Variants in PLGRKT observed in about 807,000 individuals in gnomAD.
PLGRKT encodes the protein plasminogen receptor with a C-terminal lysine.
A neutral mutation model predicts 18.5 loss-of-function variants in PLGRKT; 22 were observed. That is an observed-to-expected ratio of 1.19 (90% CI 0.85 to 1.70). The LOEUF (loss-of-function observed/expected upper bound fraction) is 1.70. Among genes scored for constraint, PLGRKT ranks in the 40% most tolerant of loss-of-function variants. The pLI is 0.00. For missense variants in PLGRKT, 235 were observed against 174.4 expected (o/e 1.35, Z -1.96); for synonymous variants, 72 against 52.8 (o/e 1.36, Z -1.58).
At chr9:5,385,567 A>G (rs941502848) in intron 3 of PLGRKT, among the ~76,000 whole-genome samples, 5 of 151,222 alleles carry the variant, frequency 3.3e-5, no homozygotes, top group Admixed American at 2.6e-4. Context: ...TTTCCTTCTC[A>G]CTTTCCTTTC....
At chr9:5,429,475 G>A (rs1818772493) in intron 3 of PLGRKT, among the ~76,000 whole-genome samples, 1 of 152,164 alleles carries the variant, frequency 6.6e-6, no homozygotes, top group South Asian at 2.1e-4. Flanking sequence ...TAAAATCAAG[G>A]TGTCTGCAAG....
chr9:5,381,704 G>A (rs1817749907), intron 3 of PLGRKT, among the ~76,000 whole-genome samples: 1 of 152,222 alleles, frequency 6.6e-6, no homozygotes, highest in Non-Finnish European at 1.5e-5. Flanking sequence ...CCTCTTGGGA[G>A]GAGATGAGAC....
At chr9:5,380,353 C>T (rs1174719077) in intron 3 of PLGRKT, among the ~76,000 whole-genome samples, 5 of 138,942 alleles carry the variant, frequency 3.6e-5, no homozygotes, top group African/African-American at 1.1e-4. Flanking sequence ...GGCCAAACAG[C>T]GAGACTCTGT....
Position 5,393,946 on chromosome 9 carries a change from C to T in PLGRKT, c.82-32058G>A, listed in dbSNP as rs1305296117. Among the ~76,000 whole-genome samples the T allele has an allele frequency of 3.3e-5, 5 of 151,802 alleles. No homozygotes were observed. The South Asian group carries it at 6.2e-4, about 19-fold the overall frequency. ...CTAAAAACTATACCCAGATTTTTGA[C>T]CATCTGGGAAGAAAAGCCTCTTACC... On this transcript the variant is annotated intron_variant, in intron 3 of 5. Coordinates refer to ENST00000223864, the MANE Select transcript of PLGRKT (RefSeq NM_018465.4).
intron 3 of PLGRKT, among the ~76,000 whole-genome samples, chr9:5,411,100 C>G (rs1013324961): frequency 8.6e-5 from 13 of 151,920 alleles, no homozygotes; most frequent in Non-Finnish European, 1.5e-5. Flanking sequence ...AAGATGGAAA[C>G]AGGCCAGTTG....
At position 5,394,018 on chromosome 9, in the gene PLGRKT, A is replaced by C. The variant is rs1300944829; in HGVS notation, c.82-32130T>G. On this transcript the variant is annotated intron_variant, in intron 3 of 5. Transcript: ENST00000223864. ...TTCAGTTGGTGAATCTCTAGAAATGACCATCTCCCTAGCCCAGCATTCTAT... is the reference window on the plus strand; with the variant it reads ...TTCAGTTGGTGAATCTCTAGAAATGCCCATCTCCCTAGCCCAGCATTCTAT... 2.0e-5 allele frequency among the ~76,000 whole-genome samples: 3 copies of C among 151,778 alleles called. No individual in the cohort carries two copies. The East Asian group carries it at 5.8e-4, about 29-fold the overall frequency.
At chr9:5,413,039 C>T (rs1253030830) in intron 3 of PLGRKT, among the ~76,000 whole-genome samples, 2 of 152,136 alleles carry the variant, frequency 1.3e-5, no homozygotes, top group Admixed American at 1.3e-4. Context: ...GACTGAGATA[C>T]CACTTCTTGC....
intron 3 of PLGRKT, among the ~76,000 whole-genome samples, chr9:5,362,326 A>G (rs576035653): frequency 1.3e-5 from 2 of 152,278 alleles, no homozygotes; most frequent in Admixed American, 1.3e-4. Context: ...TTTGCTCCAT[A>G]TCATACCACA....
chr9:5,378,796 C>T (rs75561931), intron 3 of PLGRKT, among the ~76,000 whole-genome samples: 1 of 151,906 alleles, frequency 6.6e-6, no homozygotes, highest in African/African-American at 2.4e-5. Context: ...AGGATTTAAC[C>T]ATCTCTTTCA....
chr9:5,373,617 T>C (rs1038409660), intron 3 of PLGRKT, among the ~76,000 whole-genome samples: 2 of 151,886 alleles, frequency 1.3e-5, no homozygotes, highest in Admixed American at 1.3e-4. Context: ...CTGGGCAACA[T>C]AGTGTGACTC....
intron 3 of PLGRKT, among the ~76,000 whole-genome samples, chr9:5,419,417 G>A (rs1243926214): frequency 6.6e-6 from 1 of 152,194 alleles, no homozygotes; most frequent in Non-Finnish European, 1.5e-5. Context: ...ACCTTTCTCC[G>A]TGGCGTGTTC....
At position 5,364,599 on chromosome 9, in the gene PLGRKT, G is replaced by A. The variant is rs1817341951; in HGVS notation, c.82-2711C>T. On this transcript the variant is annotated intron_variant, in intron 3 of 5. Transcript: ENST00000223864. ...TACAAATGTGTGGCACAACCTCAATGAAGGGTTGGGGGAAAAGAACTGATC... is the reference window on the plus strand; with the variant it reads ...TACAAATGTGTGGCACAACCTCAATAAAGGGTTGGGGGAAAAGAACTGATC... Among the ~76,000 whole-genome samples, 3 of 152,316 alleles carry A rather than the reference G, an allele frequency of 2.0e-5. No individual in the cohort carries two copies. The South Asian group carries it at 6.2e-4, about 32-fold the overall frequency.
Position 5,361,828 on chromosome 9 carries a change from C to A in PLGRKT, c.142G>T (p.Ala48Ser), listed in dbSNP as rs1177040863. The A allele has an allele frequency of 6.2e-7, 1 of 1,613,198 alleles. No individual in the cohort carries two copies. The highest frequency in any genetic ancestry group is 8.5e-7 in the Non-Finnish European group (1 of 1,179,402). Reference sequence around the variant, plus strand: ...TATTTGAGGAATTCCCGAGACCACGCAATCTGCATGGCCATTTGTCTTTCC... The same window carrying A: ...TATTTGAGGAATTCCCGAGACCACGAAATCTGCATGGCCATTTGTCTTTCC... ...MRERQMAMQI[A>S]WSREFLKYFG... Residue 48 changes from alanine to serine, a missense_variant, in exon 4 of 6, where the codon GCG (alanine) becomes TCG (serine). Transcript: ENST00000223864.
chr9:5,397,169 T>C lies in PLGRKT; in HGVS notation c.81+34728A>G, dbSNP rs146444240. 6.6e-3 allele frequency among the ~76,000 whole-genome samples: 1,008 copies of C among 152,082 alleles called. 15 individuals are homozygous for C. Among genetic ancestry groups the C allele is most frequent in the Non-Finnish European group, 0.012 (807 of 68,032 alleles). On this transcript the variant is annotated intron_variant, in intron 3 of 5. Coordinates refer to ENST00000223864, the MANE Select transcript of PLGRKT (RefSeq NM_018465.4). Reference sequence around the variant, plus strand: ...AGGCTTCCTACTAGTGGCAACAGATTGTAGGCTACTCGTGCCTACTAGTGG... The same window carrying C: ...AGGCTTCCTACTAGTGGCAACAGATCGTAGGCTACTCGTGCCTACTAGTGG...
intron 3 of PLGRKT, among the ~76,000 whole-genome samples, chr9:5,424,222 T>A (rs926064097): frequency 7.3e-6 from 1 of 137,914 alleles, no homozygotes. Context: ...ATATGTAATA[T>A]ATATGTATTT....
At chr9:5,387,776 CTA>C (rs1817872906) in intron 3 of PLGRKT, among the ~76,000 whole-genome samples, 1 of 151,646 alleles carries the variant, frequency 6.6e-6, no homozygotes, top group South Asian at 2.1e-4. Context: ...ATCACTATAT[CTA>C]TGTTATACTT....
intron 3 of PLGRKT, 66 bp downstream of exon 3, chr9:5,431,831 G>A (rs781125797): frequency 2.6e-6 from 2 of 762,530 alleles, no homozygotes; most frequent in African/African-American, 3.4e-5. Flanking sequence ...ATGTACGGCT[G>A]GAGTACATGT....
At position 5,432,566 on chromosome 9, in the gene PLGRKT, C is replaced by T. The variant is rs537188861; in HGVS notation, c.-6-583G>A. 4.0e-5 allele frequency among the ~76,000 whole-genome samples: 6 copies of T among 150,766 alleles called. No individual in the cohort carries two copies. The East Asian group carries it at 1.2e-3, about 30-fold the overall frequency. On this transcript the variant is annotated intron_variant, in intron 2 of 5. Coordinates refer to ENST00000223864, the MANE Select transcript of PLGRKT (RefSeq NM_018465.4). ...AGCCTGGACTGTACCGCCATGATCT[C>T]GGCTCGCTGCAACCTCCCTGCCTCT... is the stretch of plus-strand genomic sequence containing the variant.
intron 3 of PLGRKT, among the ~76,000 whole-genome samples, chr9:5,425,200 G>A (rs772103896): frequency 6.6e-6 from 1 of 152,102 alleles, no homozygotes; most frequent in African/African-American, 2.4e-5. Context: ...AGCCACTCAG[G>A]TGACATAAAA....
Sources: gnomAD v4.1 joint callset for allele counts (sites outside exome capture counted in the v4.1 genomes callset) on GRCh38, gnomAD v4.1.1 for gene constraint, MANE v1.5 for transcripts, NCBI Gene and HGNC (gene_info 2026-07-23, HGNC 2026-07-21) for gene names.